PCDH15: variants seen among roughly 807,000 people sequenced by gnomAD.
PCDH15 encodes protocadherin-15.
A neutral mutation model predicts 178.5 loss-of-function variants in PCDH15; 129 were observed. The observed-to-expected ratio is 0.72, with a 90% CI of 0.63 to 0.84. The LOEUF is 0.84. PCDH15 is among the 40% of genes least tolerant of loss of function. The probability of loss-of-function intolerance (pLI) is 0.00; values close to 1 mark genes in which losing one functional copy is unlikely to be tolerated. For synonymous variants in PCDH15, 800 were observed against 732.0 expected (o/e 1.09, Z -1.50); for missense variants, 2,230 against 2,099.9 (o/e 1.06, Z -1.21).
chr10:55,598,424 AGAG>A (rs1288407342), intron 2 of PCDH15, among the ~76,000 whole-genome samples: 6 of 150,030 alleles, frequency 4.0e-5, no homozygotes, highest in Non-Finnish European at 8.9e-5. Context: ...ATAGCCTTCT[AGAG>A]GAGCCGGTTC....
intron 2 of PCDH15, among the ~76,000 whole-genome samples, chr10:55,016,593 T>C (rs1330082180): frequency 6.6e-6 from 1 of 152,188 alleles, no homozygotes; most frequent in Non-Finnish European, 1.5e-5. Flanking sequence ...CGTTCTTTCT[T>C]GTGGTTGAGT....
chr10:53,806,607 T>G lies in PCDH15; in HGVS notation c.5195A>C (p.Asn1732Thr). ...DEELWMGPWN[N>T]LHIPMTKL ...CAGTTTTGTCATTGGTATATGGAGGTTGTTCCAGGGGCCCATCCAAAGCTC... is the reference window on the plus strand; with the variant it reads ...CAGTTTTGTCATTGGTATATGGAGGGTGTTCCAGGGGCCCATCCAAAGCTC... The change falls in exon 38 of 38, where the codon AAC becomes ACC. Residue 1732 changes from asparagine (N) to threonine (T), a missense_variant. Coordinates refer to ENST00000644397, the MANE Select transcript of PCDH15 (RefSeq NM_001384140.1). 6.2e-7 allele frequency: 1 copy of G among 1,613,438 alleles called. No individual in the cohort carries two copies.
rs1293290362 is a variant in PCDH15 at position 55,477,191 on chromosome 10, G to C, written c.-156+150434C>G. On this transcript the variant is annotated intron_variant, in intron 2 of 5. Coordinates refer to the PCDH15 transcript ENST00000613346. Reference sequence around the variant, plus strand: ...ATAATCATCATTCATTTTTGGGCATGAATATCTTTTTTTCCTCCTAGATAG... The same window carrying C: ...ATAATCATCATTCATTTTTGGGCATCAATATCTTTTTTTCCTCCTAGATAG... Among the ~76,000 whole-genome samples, 3 of 151,842 alleles carry C rather than the reference G, an allele frequency of 2.0e-5. No individual in the cohort carries two copies. The East Asian group carries it at 5.8e-4, about 29-fold the overall frequency.
intron 3 of PCDH15, among the ~76,000 whole-genome samples, chr10:54,520,119 A>T (rs2082686945): frequency 6.6e-6 from 1 of 152,190 alleles, no homozygotes; most frequent in African/African-American, 2.4e-5. Flanking sequence ...CCTAGAAGAA[A>T]ACCTAGGCAA....
intron 2 of PCDH15, among the ~76,000 whole-genome samples, chr10:55,422,064 T>C (rs556022142): frequency 6.6e-6 from 1 of 151,906 alleles, no homozygotes; most frequent in Non-Finnish European, 1.5e-5. Flanking sequence ...TGTCAACTTT[T>C]AGACAATATG....
intron 1 of PCDH15, among the ~76,000 whole-genome samples, chr10:54,753,965 C>T (rs1294160362): frequency 2.1e-5 from 3 of 143,522 alleles, no homozygotes; most frequent in African/African-American, 7.8e-5. Context: ...GCCGCCACCA[C>T]GGCCGGCTGA....
intron 2 of PCDH15, among the ~76,000 whole-genome samples, chr10:54,926,638 G>A (rs1305675494): frequency 6.6e-6 from 1 of 151,830 alleles, no homozygotes; most frequent in Non-Finnish European, 1.5e-5. Context: ...AGAGCCATTA[G>A]TGGTCTGTTC....
chr10:53,879,807 G>C (rs568014822), intron 26 of PCDH15, among the ~76,000 whole-genome samples: 3 of 152,284 alleles, frequency 2.0e-5, no homozygotes, highest in Non-Finnish European at 4.4e-5. Flanking sequence ...GTTTTGCCAT[G>C]TTGGCCAGGC....
chr10:54,873,626 C>T (rs189554155), intron 3 of PCDH15, among the ~76,000 whole-genome samples: 120 of 142,810 alleles, frequency 8.4e-4, no homozygotes, highest in African/African-American at 3.0e-3. Flanking sequence ...GTAATCTTCC[C>T]GTATGTTCTC....
intron 13 of PCDH15, among the ~76,000 whole-genome samples, chr10:54,161,047 T>C (rs77130989): frequency 0.032 from 4,898 of 152,224 alleles, 121 homozygotes; most frequent in South Asian, 0.086. Context: ...AATAAACATA[T>C]ATGTGTATAT....
At chr10:55,072,979 T>C (rs972967892) in intron 2 of PCDH15, among the ~76,000 whole-genome samples, 2 of 151,892 alleles carry the variant, frequency 1.3e-5, no homozygotes, top group African/African-American at 2.4e-5. Flanking sequence ...AGCATATAAA[T>C]AGAACCAAAG....
chr10:54,562,477 T>C (rs1485397313), intron 2 of PCDH15, among the ~76,000 whole-genome samples: 1 of 152,156 alleles, frequency 6.6e-6, no homozygotes, highest in Non-Finnish European at 1.5e-5. Context: ...ATTATTCCTT[T>C]TATGAAAGGT....
At chr10:54,669,252 A>T (rs2094619064) in intron 1 of PCDH15, among the ~76,000 whole-genome samples, 1 of 152,042 alleles carries the variant, frequency 6.6e-6, no homozygotes, top group African/African-American at 2.4e-5. Context: ...TAAAATGTGT[A>T]ATATGAAGTT....
intron 2 of PCDH15, among the ~76,000 whole-genome samples, chr10:54,580,571 G>A (rs1341565400): frequency 6.6e-6 from 1 of 151,858 alleles, no homozygotes; most frequent in Non-Finnish European, 1.5e-5. Flanking sequence ...AAAAATTAAG[G>A]AGGAACTCCT....
chr10:54,725,166 A>G (rs1223346512), intron 1 of PCDH15, among the ~76,000 whole-genome samples: 1 of 151,348 alleles, frequency 6.6e-6, no homozygotes, highest in African/African-American at 2.4e-5. Flanking sequence ...AATAAATTAC[A>G]CCAATAATGG....
intron 1 of PCDH15, among the ~76,000 whole-genome samples, chr10:54,779,479 CAT>C (rs1491029588): frequency 5.7e-5 from 4 of 69,618 alleles, no homozygotes; most frequent in South Asian, 4.9e-4. Context: ...TATATACACA[CAT>C]ATATATGTAT....
intron 2 of PCDH15, among the ~76,000 whole-genome samples, chr10:55,374,092 T>TAATAAC (rs901175834): frequency 1.2e-4 from 14 of 117,310 alleles, no homozygotes; most frequent in African/African-American, 4.1e-4. Context: ...AGTATAATAA[T>TAATAAC]AATAATAATA....
chr10:54,482,434 T>A (rs1383009595), intron 3 of PCDH15, among the ~76,000 whole-genome samples: 1 of 151,696 alleles, frequency 6.6e-6, no homozygotes, highest in African/African-American at 2.4e-5. Context: ...GCCCAGAAAA[T>A]CAGCATAATT....
intron 21 of PCDH15, among the ~76,000 whole-genome samples, chr10:53,984,848 C>T (rs1181423110): frequency 6.6e-6 from 1 of 152,050 alleles, no homozygotes; most frequent in African/African-American, 2.4e-5. Context: ...TAGCAAATAT[C>T]CCCTCCCCTT....
Sources: gnomAD v4.1 joint callset for allele counts (sites outside exome capture counted in the v4.1 genomes callset) on GRCh38, gnomAD v4.1.1 for gene constraint, MANE v1.5 for transcripts, NCBI Gene and HGNC (gene_info 2026-07-23, HGNC 2026-07-21) for gene names.